Variants in GRIN2A observed in about 807,000 individuals in gnomAD.
GRIN2A encodes glutamate receptor ionotropic, NMDA 2A.
In GRIN2A, 22 loss-of-function variants were observed where a neutral mutation model predicts 113.4. The observed-to-expected ratio is 0.19, with a 90% CI of 0.14 to 0.28. The LOEUF is 0.28. Among genes scored for constraint, GRIN2A ranks in the 10% least tolerant of loss-of-function variants. The probability of loss-of-function intolerance (pLI) is 1.00; values close to 1 mark genes in which losing one functional copy is unlikely to be tolerated. For synonymous variants in GRIN2A, 827 were observed against 738.4 expected, an observed-to-expected ratio of 1.12 and a Z score of -1.94; for missense variants, 1,502 against 1,887.0, an observed-to-expected ratio of 0.80 and a Z score of 3.78.
rs145643106 is a variant in GRIN2A, at chr16:10,038,661, G to C, written c.415-100110C>G. 6.0e-3 allele frequency among the ~76,000 whole-genome samples: 883 copies of C among 146,852 alleles called. 10 individuals are homozygous for C. The highest frequency in any genetic ancestry group is 0.02 in the African/African-American group (808 of 40,794). The stretch of plus-strand genomic sequence containing the variant: ...GATAGAGATCATCCTGGCTAACATG[G>C]TGAAACCCTGTCTCTACTATAAAAA... On this transcript the variant is annotated intron_variant, in intron 2 of 12. Transcript: ENST00000330684.
chr16:10,115,195 T>C (rs1232444490), intron 2 of GRIN2A, among the ~76,000 whole-genome samples: 1 of 152,084 alleles, frequency 6.6e-6, no homozygotes, highest in Non-Finnish European at 1.5e-5. Flanking sequence ...GTAGAATACA[T>C]GGACTTTGTT....
intron 4 of GRIN2A, among the ~76,000 whole-genome samples, chr16:9,852,389 C>A (rs1459669876): frequency 2.0e-5 from 3 of 152,212 alleles, no homozygotes; most frequent in Admixed American, 6.5e-5. Context: ...CTAGCAGAAT[C>A]TTTGGTGATG....
At chr16:10,172,456 C>T (rs2050061131) in intron 2 of GRIN2A, among the ~76,000 whole-genome samples, 1 of 152,236 alleles carries the variant, frequency 6.6e-6, no homozygotes, top group African/African-American at 2.4e-5. Context: ...GAGCTACTTC[C>T]CTCACCTACA....
chr16:9,856,811 A>ATGGTTTGAGAG (rs567487876), intron 4 of GRIN2A, among the ~76,000 whole-genome samples: 419 of 152,160 alleles, frequency 2.8e-3, no homozygotes, highest in African/African-American at 8.5e-3. Context: ...TCCAATTCAT[A>ATGGTTTGAGAG]TGGCAGAACC....
intron 11 of GRIN2A, among the ~76,000 whole-genome samples, chr16:9,779,749 C>G (rs561309239): frequency 6.6e-6 from 1 of 152,138 alleles, no homozygotes; most frequent in Non-Finnish European, 1.5e-5. Context: ...TTGATGACAT[C>G]CTCCCGCTCC....
intron 10 of GRIN2A, among the ~76,000 whole-genome samples, chr16:9,803,058 G>T (rs1200817298): frequency 6.6e-6 from 1 of 152,142 alleles, no homozygotes; most frequent in African/African-American, 2.4e-5. Context: ...TTTGTCAACA[G>T]GGACTTTGGG....
chr16:10,137,539 A>G (rs1026556853), intron 2 of GRIN2A, among the ~76,000 whole-genome samples: 2 of 152,170 alleles, frequency 1.3e-5, no homozygotes, highest in Non-Finnish European at 2.9e-5. Context: ...AAAACGGAGG[A>G]CGAAGTTCAA....
At chr16:10,119,305 C>A (rs1323025972) in intron 2 of GRIN2A, among the ~76,000 whole-genome samples, 1 of 151,764 alleles carries the variant, frequency 6.6e-6, no homozygotes, top group South Asian at 2.1e-4. Flanking sequence ...TTAGAATGAG[C>A]GTTACCCATT....
chr16:9,956,986 G>A (rs1397945487), intron 2 of GRIN2A, among the ~76,000 whole-genome samples: 1 of 152,150 alleles, frequency 6.6e-6, no homozygotes, highest in Non-Finnish European at 1.5e-5. Context: ...TAAAGAAGAG[G>A]CTATTACCTT....
intron 2 of GRIN2A, chr16:10,112,298 A>C: frequency 1.5e-6 from 1 of 645,552 alleles, no homozygotes; most frequent in South Asian, 1.7e-5. Context: ...TGGTGACAGC[A>C]GCCCAGGCTA....
intron 2 of GRIN2A, among the ~76,000 whole-genome samples, chr16:9,967,705 C>CAAA (rs1003677366): frequency 6.8e-6 from 1 of 147,578 alleles, no homozygotes; most frequent in East Asian, 2.0e-4. Flanking sequence ...GACTCCATCT[C>CAAA]AAAAAAAAAA....
At chr16:9,846,694 A>G (rs2042777845) in intron 5 of GRIN2A, among the ~76,000 whole-genome samples, 1 of 152,210 alleles carries the variant, frequency 6.6e-6, no homozygotes, top group Admixed American at 6.5e-5. Flanking sequence ...TGATGAGGGT[A>G]GAGAGAGATA....
At chr16:9,787,309 T>C (rs896585041) in intron 11 of GRIN2A, among the ~76,000 whole-genome samples, 1 of 152,240 alleles carries the variant, frequency 6.6e-6, no homozygotes, top group African/African-American at 2.4e-5. Flanking sequence ...GTCCTTTCTC[T>C]TGATTCCAGG....
intron 2 of GRIN2A, among the ~76,000 whole-genome samples, chr16:9,979,740 G>A (rs570634254): frequency 6.8e-5 from 10 of 146,346 alleles, no homozygotes; most frequent in Non-Finnish European, 1.4e-4. Context: ...ACTAGAAAAC[G>A]CTTGGAGGCT....
chr16:9,940,070 G>A (rs1256768076), intron 2 of GRIN2A, among the ~76,000 whole-genome samples: 2 of 151,838 alleles, frequency 1.3e-5, no homozygotes, highest in Non-Finnish European at 2.9e-5. Context: ...GAGTGTGTGT[G>A]TGTGTGTGTG....
chr16:9,943,784 A>G (rs1037672702), intron 2 of GRIN2A, among the ~76,000 whole-genome samples: 72 of 152,302 alleles, frequency 4.7e-4, no homozygotes, highest in African/African-American at 1.6e-3. Context: ...CTGGCTGCAC[A>G]TATGAATCCC....
At chr16:9,832,033 C>G (rs114720734) in intron 8 of GRIN2A, among the ~76,000 whole-genome samples, 1 of 152,092 alleles carries the variant, frequency 6.6e-6, no homozygotes. Context: ...ATTCTCCTAC[C>G]TCAGCCTTCT....
At chr16:9,949,385 G>A (rs955204388) in intron 2 of GRIN2A, among the ~76,000 whole-genome samples, 2 of 151,956 alleles carry the variant, frequency 1.3e-5, no homozygotes, top group South Asian at 2.1e-4. Flanking sequence ...TGGACAGATG[G>A]ATGGATGGAT....
intron 2 of GRIN2A, among the ~76,000 whole-genome samples, chr16:10,137,379 A>G (rs1383463427): frequency 1.3e-5 from 2 of 152,124 alleles, no homozygotes; most frequent in Non-Finnish European, 2.9e-5. Context: ...CTTGCCCCCT[A>G]CACATGCTGA....
Sources: allele counts gnomAD v4.1 joint callset (sites outside exome capture counted in the v4.1 genomes callset), GRCh38; gene constraint gnomAD v4.1.1; transcripts MANE v1.5; gene names NCBI Gene and HGNC (gene_info 2026-07-23, HGNC 2026-07-21).